ATXN7L1: variants seen among roughly 807,000 people sequenced by gnomAD.
The protein encoded by ATXN7L1 is ataxin 7 like 1.
A neutral mutation model predicts 70.8 loss-of-function variants in ATXN7L1; 15 were observed. That is an observed-to-expected ratio of 0.21 (90% CI 0.14 to 0.33). The LOEUF is 0.33. ATXN7L1 is among the 10% of genes least tolerant of loss of function. ATXN7L1 has a pLI of 1.00. For synonymous variants in ATXN7L1, 440 were observed against 445.1 expected (o/e 0.99, Z 0.14); for missense variants, 975 against 1,097.1 (o/e 0.89, Z 1.57).
intron 3 of ATXN7L1, among the ~76,000 whole-genome samples, chr7:105,734,544 C>T (rs971573473): frequency 2.6e-5 from 4 of 152,120 alleles, no homozygotes; most frequent in Non-Finnish European, 2.9e-5. Context: ...CTGACTCAAG[C>T]GTGCACCAGC....
chr7:105,719,054 A>T (rs1291620586), intron 3 of ATXN7L1, among the ~76,000 whole-genome samples: 1 of 152,196 alleles, frequency 6.6e-6, no homozygotes, highest in Non-Finnish European at 1.5e-5. Context: ...ACCAGTTTAC[A>T]GTGGCCACCA....
At chr7:105,777,473 C>T (rs1489283714) in intron 3 of ATXN7L1, among the ~76,000 whole-genome samples, 1 of 152,222 alleles carries the variant, frequency 6.6e-6, no homozygotes, top group Non-Finnish European at 1.5e-5. Context: ...ACGCTTTCTT[C>T]TCTTGGCTTC....
At chr7:105,649,307 C>G (rs1799518760) in intron 4 of ATXN7L1, 1 of 939,310 alleles carries the variant, frequency 1.1e-6, no homozygotes, top group Non-Finnish European at 1.3e-6. Context: ...GAGTAGTTCT[C>G]TCCTCATCAT....
intron 7 of ATXN7L1, among the ~76,000 whole-genome samples, chr7:105,625,639 C>A (rs766581487): frequency 6.6e-6 from 1 of 152,158 alleles, no homozygotes; most frequent in Non-Finnish European, 1.5e-5. Flanking sequence ...TTCAATGAAC[C>A]AATGAATGAA....
chr7:105,861,602 G>A (rs958129537), intron 2 of ATXN7L1, among the ~76,000 whole-genome samples: 4 of 152,034 alleles, frequency 2.6e-5, no homozygotes, highest in Non-Finnish European at 5.9e-5. Flanking sequence ...CGGCACCCGG[G>A]GGTGGGATGA....
intron 2 of ATXN7L1, among the ~76,000 whole-genome samples, chr7:105,820,650 A>G (rs759878813): frequency 6.6e-6 from 1 of 152,176 alleles, no homozygotes; most frequent in African/African-American, 2.4e-5. Context: ...AGACTCAGTT[A>G]TAATAAACCA....
intron 11 of ATXN7L1, 67 bp from the exon 12 acceptor site, chr7:105,607,957 G>A (rs1474730471): frequency 7.2e-7 from 1 of 1,385,996 alleles, no homozygotes; most frequent in Non-Finnish European, 1.0e-6. Flanking sequence ...GAGAATTCAA[G>A]GATGGAGACT....
At chr7:105,844,073 C>G (rs2116615471) in intron 2 of ATXN7L1, among the ~76,000 whole-genome samples, 1 of 152,266 alleles carries the variant, frequency 6.6e-6, no homozygotes, top group South Asian at 2.1e-4. Context: ...AGGGCCTCCA[C>G]CCCAAATGGC....
At chr7:105,802,435 T>C (rs573262884) in intron 2 of ATXN7L1, among the ~76,000 whole-genome samples, 1 of 152,236 alleles carries the variant, frequency 6.6e-6, no homozygotes, top group East Asian at 1.9e-4. Flanking sequence ...CCGTAAGCCC[T>C]GCAGTTGGCC....
In ATXN7L1 at chr7:105,607,416, G is replaced by A. The variant is rs1792805762; in HGVS notation, c.*436C>T. 1 of 178,926 alleles carries A rather than the reference G, an allele frequency of 5.6e-6. No individual in the cohort carries two copies. The highest frequency in any genetic ancestry group is 1.2e-5 in the Non-Finnish European group (1 of 84,378). The allele number at this position is 178,926 out of a possible 1,614,324, so 11.1% of individuals were successfully genotyped here. On this transcript the variant is annotated 3_prime_UTR_variant, in exon 12 of 12. Coordinates refer to ENST00000419735, the MANE Select transcript of ATXN7L1 (RefSeq NM_020725.2). The stretch of plus-strand genomic sequence containing the variant: ...AGAGTGGTAGACGTAGGGATGGAAG[G>A]AATCGGGTGGAGATGACAGGAAGAA...
intron 3 of ATXN7L1, among the ~76,000 whole-genome samples, chr7:105,754,067 A>G (rs933055221): frequency 6.6e-6 from 1 of 152,100 alleles, no homozygotes; most frequent in Non-Finnish European, 1.5e-5. Flanking sequence ...CACAAATTAG[A>G]CAATCTGTGG....
At chr7:105,872,062 G>A (rs1372903251) in intron 2 of ATXN7L1, among the ~76,000 whole-genome samples, 2 of 150,870 alleles carry the variant, frequency 1.3e-5, no homozygotes, top group African/African-American at 4.9e-5. Flanking sequence ...GTGCGATCTT[G>A]GCTCACTGCA....
chr7:105,713,379 G>C (rs1334591881), intron 3 of ATXN7L1, among the ~76,000 whole-genome samples: 1 of 152,224 alleles, frequency 6.6e-6, no homozygotes, highest in African/African-American at 2.4e-5. Flanking sequence ...ACCATGGCTG[G>C]GGTCTGACGG....
At position 105,793,790 on chromosome 7, in the gene ATXN7L1, G is replaced by A. The variant is rs149966183; in HGVS notation, c.251-5082C>T. Reference sequence around the variant, plus strand: ...CTAGCACCACCACAGCATTATCACAGAGTGATCTGGTCACCCCCTGGCCTG... The same window carrying A: ...CTAGCACCACCACAGCATTATCACAAAGTGATCTGGTCACCCCCTGGCCTG... On this transcript the variant is annotated intron_variant, in intron 2 of 11. Coordinates refer to ENST00000419735, the MANE Select transcript of ATXN7L1 (RefSeq NM_020725.2). 2.9e-3 allele frequency among the ~76,000 whole-genome samples: 442 copies of A among 152,326 alleles called. 2 individuals are homozygous for A. The highest frequency in any genetic ancestry group is 9.9e-3 in the African/African-American group (413 of 41,568).
rs1333693053 is a variant in ATXN7L1 at position 105,727,746 on chromosome 7, G to GTGTATATATATATATATATATA, written c.355+60857_355+60858insTATATATATATATATATATACA. 3.8e-4 allele frequency among the ~76,000 whole-genome samples: 21 copies of GTGTATATATATATATATATATA among 55,312 alleles called. No homozygotes were observed. The South Asian group carries it at 3.9e-3, about 10-fold the overall frequency. 36.3% of individuals were successfully genotyped at this position (55,312 alleles called of 152,430 possible). A position where few individuals can be genotyped will look rare whatever the true frequency, so the allele number is the denominator to read the frequency against. ...CATAGGGGTGTGTGTGTGTATGTGT[G>GTGTATATATATATATATATATA]TATATATATATATATATATATATAT... On this transcript the variant is annotated intron_variant, in intron 3 of 11. Transcript: ENST00000419735.
At chr7:105,653,946 G>A (rs1469000164) in intron 4 of ATXN7L1, among the ~76,000 whole-genome samples, 1 of 152,150 alleles carries the variant, frequency 6.6e-6, no homozygotes, top group Non-Finnish European at 1.5e-5. Flanking sequence ...AGTGCCTGCT[G>A]TTCCTTCCTA....
At chr7:105,864,429 C>CCTG (rs1817077719) in intron 2 of ATXN7L1, among the ~76,000 whole-genome samples, 1 of 133,942 alleles carries the variant, frequency 7.5e-6, no homozygotes, top group Non-Finnish European at 1.6e-5. Context: ...TGCACTCCAG[C>CCTG]CTGGGTGGCA....
chr7:105,838,954 C>T (rs1251418914), intron 2 of ATXN7L1, among the ~76,000 whole-genome samples: 3 of 152,182 alleles, frequency 2.0e-5, no homozygotes, highest in Non-Finnish European at 2.9e-5. Context: ...CATTCCTTCA[C>T]GAAGCATCAT....
chr7:105,795,971 T>C (rs1052350857), intron 2 of ATXN7L1, among the ~76,000 whole-genome samples: 2 of 152,236 alleles, frequency 1.3e-5, no homozygotes, highest in Non-Finnish European at 2.9e-5. Context: ...CATTTTAACT[T>C]ACTCTAAAAG....
Sources: allele counts gnomAD v4.1 joint callset (sites outside exome capture counted in the v4.1 genomes callset), GRCh38; gene constraint gnomAD v4.1.1; transcripts MANE v1.5; gene names NCBI Gene and HGNC (gene_info 2026-07-23, HGNC 2026-07-21).